Variants in UMODL1 observed in about 807,000 individuals in gnomAD.
UMODL1 encodes the protein uromodulin like 1.
UMODL1 carries 128 observed loss-of-function variants against 136.3 expected under a neutral mutation model. The ratio of observed to expected loss-of-function variants is 0.94; its 90% CI spans 0.81 to 1.09. The LOEUF is 1.09. Among genes scored for constraint, UMODL1 ranks in the 50% least tolerant of loss-of-function variants. UMODL1 has a pLI of 0.00. For synonymous variants in UMODL1, 721 were observed against 720.0 expected (o/e 1.00, Z -0.02); for missense variants, 1,766 against 1,725.6 (o/e 1.02, Z -0.41).
chr21:42,095,834 G>A (rs1370721172), intron 6 of UMODL1, among the ~76,000 whole-genome samples: 2 of 152,166 alleles, frequency 1.3e-5, no homozygotes, highest in Non-Finnish European at 1.5e-5. Context: ...TGGGATTGCT[G>A]TAAGGACTAA....
At chr21:42,081,333 C>T (rs1601184021) in intron 2 of UMODL1, among the ~76,000 whole-genome samples, 1 of 152,328 alleles carries the variant, frequency 6.6e-6, no homozygotes, top group East Asian at 1.9e-4. Flanking sequence ...TTTTGTTGCT[C>T]AAACACAAAG....
rs529284918 is a variant in UMODL1 at position 42,136,076 on chromosome 21, C to T, written c.3776-1363C>T. On this transcript the variant is annotated intron_variant, in intron 21 of 22. Coordinates refer to ENST00000408910, the MANE Select transcript of UMODL1 (RefSeq NM_001004416.3). ...GATGTGGCTGTGACCTGGCTATAGACGCCCTTGACAACGAATTATACCCAC... is the reference window on the plus strand; with the variant it reads ...GATGTGGCTGTGACCTGGCTATAGATGCCCTTGACAACGAATTATACCCAC... 8.5e-5 allele frequency among the ~76,000 whole-genome samples: 13 copies of T among 152,198 alleles called. No homozygotes were observed. The East Asian group carries it at 1.4e-3, about 16-fold the overall frequency.
At chr21:42,119,001 G>T in intron 14 of UMODL1, 110 bp from the exon 15 acceptor site, 1 of 1,129,864 alleles carries the variant, frequency 8.9e-7, no homozygotes. Flanking sequence ...TTTACTTTGT[G>T]CCACGGGCCA....
intron 21 of UMODL1, among the ~76,000 whole-genome samples, chr21:42,136,420 G>A (rs990290084): frequency 3.9e-5 from 6 of 152,192 alleles, no homozygotes; most frequent in African/African-American, 1.2e-4. Flanking sequence ...GTTCAGTTCC[G>A]GGTAGTTCCT....
chr21:42,135,130 C>G (rs892461971), intron 21 of UMODL1, among the ~76,000 whole-genome samples: 1 of 152,228 alleles, frequency 6.6e-6, no homozygotes, highest in Admixed American at 6.5e-5. Flanking sequence ...ATTTAAATTT[C>G]CCCCGCATCG....
At position 42,089,968 on chromosome 21, in the gene UMODL1, T is replaced by C. The variant is rs548084122; in HGVS notation, c.791-330T>C. Among the ~76,000 whole-genome samples the C allele has an allele frequency of 1.7e-3, 261 of 152,298 alleles. 2 individuals are homozygous for C. Among genetic ancestry groups the C allele is most frequent in the African/African-American group, 4.4e-3 (182 of 41,560 alleles). ...AACACCCACTGATTTACTTTACGCT[T>C]GGGGTGGGATGTTTTGGCCCCACCT... is the stretch of plus-strand genomic sequence containing the variant. On this transcript the variant is annotated intron_variant, in intron 5 of 22. Transcript: ENST00000408910.
chr21:42,102,093 C>T, intron 7 of UMODL1, 73 bp from the exon 8 acceptor site: 1 of 1,172,938 alleles, frequency 8.5e-7, no homozygotes. Context: ...AAAGAGTAGG[C>T]TTCATGGAAA....
rs114592736 is a variant in UMODL1, at chr21:42,098,153, C to T, written c.932-773C>T. On this transcript the variant is annotated intron_variant, in intron 6 of 22. Coordinates refer to ENST00000408910, the MANE Select transcript of UMODL1 (RefSeq NM_001004416.3). The stretch of plus-strand genomic sequence containing the variant: ...GCCATTGCTACAAATGTTTTCTGTA[C>T]GATGACTGTATACGGGTCCCCAGAG... Among the ~76,000 whole-genome samples, 223 of 149,992 alleles carry T rather than the reference C, an allele frequency of 1.5e-3. 1 individual carries two copies. Among genetic ancestry groups the T allele is most frequent in the African/African-American group, 4.9e-3 (200 of 41,194 alleles).
intron 1 of UMODL1, among the ~76,000 whole-genome samples, chr21:42,074,251 CT>C (rs554919973): frequency 1.5e-3 from 226 of 152,300 alleles, no homozygotes; most frequent in African/African-American, 5.2e-3. Flanking sequence ...AAGCATCACC[CT>C]GGTCTCTACC....
chr21:42,141,392 A>G (rs906803467), intron 22 of UMODL1, among the ~76,000 whole-genome samples: 10 of 152,214 alleles, frequency 6.6e-5, no homozygotes, highest in Non-Finnish European at 1.2e-4. Flanking sequence ...CCCTTACAGC[A>G]TAGACAGGGC....
chr21:42,104,434 T>TTTTTCTTTTTCTTTTC (rs1038509614), intron 9 of UMODL1, among the ~76,000 whole-genome samples: 13 of 152,052 alleles, frequency 8.5e-5, no homozygotes, highest in African/African-American at 2.4e-4. Context: ...TCTTTTCTTT[T>TTTTTCTTTTTCTTTTC]TTTTCTTTTT....
At chr21:42,082,364 G>T (rs1392029611) in intron 2 of UMODL1, among the ~76,000 whole-genome samples, 2 of 152,282 alleles carry the variant, frequency 1.3e-5, no homozygotes, top group African/African-American at 2.4e-5. Context: ...CCCCACCCTC[G>T]CGGGGGTGAG....
chr21:42,128,096 A>C, intron 20 of UMODL1: 2 of 573,152 alleles, frequency 3.5e-6, no homozygotes, highest in Non-Finnish European at 6.6e-6. Context: ...ATAATATTCA[A>C]CCGGCTGTCG....
chr21:42,139,132 C>T (rs550626334), intron 22 of UMODL1, among the ~76,000 whole-genome samples: 1 of 152,280 alleles, frequency 6.6e-6, no homozygotes, highest in South Asian at 2.1e-4. Context: ...TGCCCCACTA[C>T]ACTCCAGAGG....
At chr21:42,107,263 C>G (rs547054212) in intron 9 of UMODL1, among the ~76,000 whole-genome samples, 1 of 152,210 alleles carries the variant, frequency 6.6e-6, no homozygotes, top group Non-Finnish European at 1.5e-5. Context: ...CTGCACCGAC[C>G]TTAGCCAGAG....
At chr21:42,118,692 G>A (rs220145) in intron 14 of UMODL1, among the ~76,000 whole-genome samples, 31,361 of 151,920 alleles carry the variant, frequency 0.21, 3,354 homozygotes, top group Admixed American at 0.28. Flanking sequence ...AGAAGGCAGC[G>A]GGAAGTGGTC....
chr21:42,136,496 C>T (rs775793145), intron 21 of UMODL1, among the ~76,000 whole-genome samples: 2 of 152,148 alleles, frequency 1.3e-5, no homozygotes, highest in Admixed American at 6.5e-5. Context: ...TTTCACTCAG[C>T]GTGACATCTT....
At chr21:42,129,876 A>G in intron 21 of UMODL1, 79 bp downstream of exon 21, 1 of 1,130,302 alleles carries the variant, frequency 8.8e-7, no homozygotes, top group Non-Finnish European at 1.3e-6. Context: ...ATAAAAAAGT[A>G]ACTGTTGTGA....
chr21:42,108,520 T>G, intron 9 of UMODL1: 1 of 402,096 alleles, frequency 2.5e-6, no homozygotes. Flanking sequence ...AGCAGGGTTT[T>G]CTTTGCCCAG....
Sources: gnomAD v4.1 joint callset for allele counts (sites outside exome capture counted in the v4.1 genomes callset) on GRCh38, gnomAD v4.1.1 for gene constraint, MANE v1.5 for transcripts, NCBI Gene and HGNC (gene_info 2026-07-23, HGNC 2026-07-21) for gene names.